The following DRC1 variants were observed in gnomAD, a reference collection of about 807,000 sequenced individuals.
DRC1 encodes dynein regulatory complex protein 1.
In DRC1, 74 loss-of-function variants were observed where a neutral mutation model predicts 98.7. The observed-to-expected ratio is 0.75, with a 90% CI of 0.62 to 0.91. The LOEUF is 0.91. Ranked by LOEUF, DRC1 falls within the 40% of genes least tolerant of loss-of-function variation. The pLI, the probability that DRC1 is intolerant of heterozygous loss-of-function variation, is 0.00. For synonymous variants in DRC1, 336 were observed against 334.1 expected (o/e 1.01, Z -0.06); for missense variants, 875 against 886.0 (o/e 0.99, Z 0.16).
chr2:26,427,837 T>C (rs1039393717), intron 4 of DRC1, among the ~76,000 whole-genome samples: 3 of 152,244 alleles, frequency 2.0e-5, no homozygotes, highest in African/African-American at 7.2e-5. Context: ...GTTTGAATTT[T>C]TGTGCCTGGC....
At chr2:26,430,927 T>C in intron 6 of DRC1, 55 bp downstream of exon 6, 6 of 1,389,738 alleles carry the variant, frequency 4.3e-6, no homozygotes, top group Non-Finnish European at 5.9e-6. Context: ...ATTTTTATTG[T>C]GACTGAATTT....
At chr2:26,453,081 C>G (rs1410741868) in intron 13 of DRC1, among the ~76,000 whole-genome samples, 1 of 152,162 alleles carries the variant, frequency 6.6e-6, no homozygotes, top group African/African-American at 2.4e-5. Context: ...GTAAGGTGAG[C>G]ACCTAGGAGC....
intron 7 of DRC1, 38 bp downstream of exon 7, chr2:26,432,044 G>T: frequency 6.2e-7 from 1 of 1,601,882 alleles, no homozygotes; most frequent in Non-Finnish European, 8.5e-7. Flanking sequence ...CCTGGGTGGC[G>T]GAGCAGATGG....
chr2:26,407,278 T>C (rs762344776), intron 1 of DRC1, among the ~76,000 whole-genome samples: 1 of 152,004 alleles, frequency 6.6e-6, no homozygotes, highest in Non-Finnish European at 1.5e-5. Flanking sequence ...GCAATGAAAT[T>C]GTGGATGCTG....
intron 6 of DRC1, 84 bp downstream of exon 6, chr2:26,430,956 A>ATTTT: frequency 7.0e-6 from 4 of 572,428 alleles, no homozygotes; most frequent in South Asian, 6.9e-5. Context: ...GCCTTTTTCT[A>ATTTT]TCTTTTTTTT....
chr2:26,451,656 A>G (rs1664010040), intron 13 of DRC1, among the ~76,000 whole-genome samples: 1 of 152,220 alleles, frequency 6.6e-6, no homozygotes, highest in East Asian at 1.9e-4. Flanking sequence ...TCACCACTGC[A>G]TTTCAGCCTG....
intron 13 of DRC1, among the ~76,000 whole-genome samples, chr2:26,452,376 C>T (rs1664028678): frequency 6.6e-6 from 1 of 152,202 alleles, no homozygotes; most frequent in Admixed American, 6.5e-5. Flanking sequence ...CTGCCTCAGC[C>T]TCCTGAGTAG....
intron 7 of DRC1, among the ~76,000 whole-genome samples, chr2:26,437,039 C>T (rs939665928): frequency 1.3e-5 from 2 of 152,158 alleles, no homozygotes; most frequent in Non-Finnish European, 2.9e-5. Context: ...CAATGGCTTC[C>T]CTTATGTTCA....
intron 16 of DRC1, 87 bp downstream of exon 16, chr2:26,455,320 C>A (rs1664122468): frequency 7.9e-7 from 1 of 1,260,508 alleles, no homozygotes; most frequent in Non-Finnish European, 1.1e-6. Context: ...ACGAGGAGTC[C>A]CCTCCCCGTC....
At chr2:26,418,759 T>TAA (rs1396189513) in intron 2 of DRC1, among the ~76,000 whole-genome samples, 4 of 108,592 alleles carry the variant, frequency 3.7e-5, no homozygotes, top group African/African-American at 1.4e-4. Flanking sequence ...AAATTATATT[T>TAA]TTATATATTA....
chr2:26,432,990 A>C (rs2147992961), intron 7 of DRC1, among the ~76,000 whole-genome samples: 1 of 152,338 alleles, frequency 6.6e-6, no homozygotes, highest in East Asian at 1.9e-4. Flanking sequence ...GCAAATTCTG[A>C]CTATCAGAAA....
rs538702086 is a variant in DRC1, at chr2:26,418,367, T to C, written c.244-2921T>C. Among the ~76,000 whole-genome samples, 5 of 150,826 alleles carry C rather than the reference T, an allele frequency of 3.3e-5. 1 individual carries two copies. The South Asian group carries it at 1.0e-3, about 31-fold the overall frequency. On this transcript the variant is annotated intron_variant, in intron 2 of 16. Transcript: ENST00000288710. ...CTGCAGGACAGAGCTGGGGGTGGGC[T>C]GGGAGCTGTGGCCAGAGGCAGGCTC... is the stretch of plus-strand genomic sequence containing the variant.
intron 2 of DRC1, among the ~76,000 whole-genome samples, chr2:26,414,796 A>G (rs1678742847): frequency 6.7e-6 from 1 of 150,306 alleles, no homozygotes; most frequent in Non-Finnish European, 1.5e-5. Flanking sequence ...GGATCCACTC[A>G]CTCCCCTCCA....
rs1664057409 is a variant in DRC1 at position 26,453,383 on chromosome 2, G to A, written c.1753G>A (p.Glu585Lys). ...CATGGAGGAGACAAGCACGAGGTCAGAATTGGAGCTGGCAGAGCAGACGGA... is the reference window on the plus strand; with the variant it reads ...CATGGAGGAGACAAGCACGAGGTCAAAATTGGAGCTGGCAGAGCAGACGGA... ...ASMEETSTRSELELAEQTEME... is the reference protein window; with the variant it reads ...ASMEETSTRSKLELAEQTEME... The change falls in exon 14 of 17, where the codon GAA (glutamate) becomes AAA (lysine). Residue 585 changes from glutamate (E) to lysine (K), a missense_variant. By Grantham distance (56) the Glu-to-Lys change is moderately conservative. Transcript: ENST00000288710. 2 of 1,614,090 alleles carry A rather than the reference G, an allele frequency of 1.2e-6. No individual in the cohort carries two copies. The highest frequency in any genetic ancestry group is 1.3e-5 in the African/African-American group (1 of 74,938).
chr2:26,405,257 C>T (rs1054331036), intron 1 of DRC1, among the ~76,000 whole-genome samples: 1 of 152,130 alleles, frequency 6.6e-6, no homozygotes, highest in African/African-American at 2.4e-5. Context: ...CAAATGATGC[C>T]ATATTTTGTA....
chr2:26,439,574 T>G (rs1453809002), intron 7 of DRC1, among the ~76,000 whole-genome samples: 1 of 152,230 alleles, frequency 6.6e-6, no homozygotes, highest in East Asian at 1.9e-4. Context: ...CCTGGGTTGC[T>G]AAACACTAAC....
chr2:26,440,659 T>A, intron 8 of DRC1, 142 bp downstream of exon 8: 2 of 1,122,114 alleles, frequency 1.8e-6, no homozygotes, highest in Non-Finnish European at 2.4e-6. Context: ...GAAAAGTTAA[T>A]ACATTCAATC....
At chr2:26,427,588 C>T (rs1477525842) in intron 4 of DRC1, among the ~76,000 whole-genome samples, 10 of 147,098 alleles carry the variant, frequency 6.8e-5, no homozygotes, top group Admixed American at 1.4e-4. Flanking sequence ...TCCAGTTATA[C>T]TCTTTTAGTT....
Position 26,453,445 on chromosome 2 carries a change from G to C in DRC1, c.1815G>C (p.Gly605=), listed in dbSNP as rs748482443. 1.2e-6 allele frequency: 2 copies of C among 1,614,144 alleles called. No individual in the cohort carries two copies. The highest frequency in any genetic ancestry group is 3.3e-5 in the Admixed American group (2 of 60,014). Residue 605 remains glycine, a synonymous_variant, in exon 14 of 17, where the codon GGG becomes GGC. Coordinates refer to ENST00000288710, the MANE Select transcript of DRC1 (RefSeq NM_145038.5). ...EGEKEESLVE[G]EKEEEEETPP... is the part of the protein sequence containing the mutation. ...AAAAGGAAGAAAGCCTGGTGGAAGG[G>C]GAGAAGGAGGAAGAGGAGGAGACCC...
Sources: allele counts gnomAD v4.1 joint callset (sites outside exome capture counted in the v4.1 genomes callset), GRCh38; gene constraint gnomAD v4.1.1; transcripts MANE v1.5; gene names NCBI Gene and HGNC (gene_info 2026-07-23, HGNC 2026-07-21).